The following CSMD3 variants were observed in gnomAD, a reference collection of about 807,000 sequenced individuals.
CSMD3 encodes the protein CUB and sushi domain-containing protein 3.
CSMD3 carries 177 observed loss-of-function variants against 435.2 expected under a neutral mutation model. The ratio of observed to expected loss-of-function variants is 0.41; its 90% CI spans 0.36 to 0.46. The LOEUF is 0.46. Among genes scored for constraint, CSMD3 ranks in the 20% least tolerant of loss-of-function variants. CSMD3 has a pLI of 0.34. For synonymous variants in CSMD3, 1,656 were observed against 1,520.5 expected (o/e 1.09, Z -2.07); for missense variants, 4,265 against 4,504.6 (o/e 0.95, Z 1.52).
intron 3 of CSMD3, among the ~76,000 whole-genome samples, chr8:113,222,501 A>T (rs1325312286): frequency 6.6e-6 from 1 of 151,096 alleles, no homozygotes; most frequent in Non-Finnish European, 1.5e-5. Context: ...ATAAGATTTT[A>T]AAAACGTAAC....
intron 32 of CSMD3, among the ~76,000 whole-genome samples, chr8:112,453,538 T>C (rs917895365): frequency 6.6e-6 from 1 of 152,002 alleles, no homozygotes; most frequent in African/African-American, 2.4e-5. Flanking sequence ...ATAAAATACC[T>C]AGAAATAATC....
intron 1 of CSMD3, among the ~76,000 whole-genome samples, chr8:113,375,547 G>A (rs146723823): frequency 1.6e-4 from 8 of 49,130 alleles, no homozygotes; most frequent in African/African-American, 3.8e-4. Flanking sequence ...ACACACACAC[G>A]TGTCATGCCG....
In CSMD3 at chr8:112,971,264, G is replaced by A. The variant is rs2084646823; in HGVS notation, c.1342+4573C>T. On this transcript the variant is annotated intron_variant, in intron 7 of 70. Coordinates refer to ENST00000297405, the MANE Select transcript of CSMD3 (RefSeq NM_198123.2). ...GTACAATGTCATGCACATCACAAGA[G>A]CTAAAACATATTTTGTGAATAAAAT... 3.3e-5 allele frequency among the ~76,000 whole-genome samples: 5 copies of A among 152,114 alleles called. No homozygotes were observed. The South Asian group carries it at 1.0e-3, about 31-fold the overall frequency.
intron 11 of CSMD3, among the ~76,000 whole-genome samples, chr8:112,847,944 A>G (rs1248666661): frequency 1.3e-5 from 2 of 152,184 alleles, no homozygotes; most frequent in Non-Finnish European, 1.5e-5. Flanking sequence ...AATATTTCAC[A>G]GTTTAATAAT....
At chr8:112,248,866 A>G (rs1021851884) in intron 63 of CSMD3, among the ~76,000 whole-genome samples, 1 of 152,038 alleles carries the variant, frequency 6.6e-6, no homozygotes, top group Non-Finnish European at 1.5e-5. Flanking sequence ...TGCCTCTAGA[A>G]GATCTCTTAT....
chr8:112,470,997 T>A (rs1026509271), intron 32 of CSMD3, among the ~76,000 whole-genome samples: 1 of 152,182 alleles, frequency 6.6e-6, no homozygotes, highest in Admixed American at 6.6e-5. Flanking sequence ...ATTCAACTTA[T>A]ATTAACCCTA....
intron 1 of CSMD3, among the ~76,000 whole-genome samples, chr8:113,381,667 C>T (rs1029519203): frequency 1.3e-5 from 2 of 152,094 alleles, no homozygotes; most frequent in Non-Finnish European, 2.9e-5. Context: ...ATGTCCCTTG[C>T]ATGGCCTTGG....
At chr8:112,806,582 A>G (rs1414489466) in intron 12 of CSMD3, among the ~76,000 whole-genome samples, 1 of 152,194 alleles carries the variant, frequency 6.6e-6, no homozygotes, top group Non-Finnish European at 1.5e-5. Flanking sequence ...AGGAGATGCA[A>G]TATCCTAAAT....
intron 5 of CSMD3, among the ~76,000 whole-genome samples, chr8:113,084,384 A>G (rs1299615779): frequency 6.6e-6 from 1 of 152,070 alleles, no homozygotes; most frequent in Non-Finnish European, 1.5e-5. Context: ...AATTAGGAAG[A>G]AATTTAACCA....
chr8:112,747,618 T>A (rs1193719758), intron 13 of CSMD3, among the ~76,000 whole-genome samples: 1 of 152,020 alleles, frequency 6.6e-6, no homozygotes, highest in Non-Finnish European at 1.5e-5. Flanking sequence ...ATTGTCAGAG[T>A]AATTTAGGCT....
At position 112,380,336 on chromosome 8, in the gene CSMD3, A is replaced by G; in HGVS notation, c.6136+16T>C. The G allele has an allele frequency of 7.4e-7, 1 of 1,346,904 alleles. No homozygotes were observed. Among genetic ancestry groups the G allele is most frequent in the Non-Finnish European group, 1.1e-6 (1 of 937,300 alleles). The allele number at this position is 1,346,904 out of a possible 1,614,324, so 83.4% of individuals were successfully genotyped here. On this transcript the variant is annotated intron_variant, in intron 38 of 70. Coordinates refer to ENST00000297405, the MANE Select transcript of CSMD3 (RefSeq NM_198123.2). ...TGTTCTTAACCTTTTTGAATGGCAC[A>G]TGATATTATTTTTACCTGTGTATTC...
chr8:112,246,871 A>G (rs1814783775), intron 64 of CSMD3, 149 bp downstream of exon 64: 1 of 677,352 alleles, frequency 1.5e-6, no homozygotes, highest in Non-Finnish European at 2.6e-6. Flanking sequence ...TTTATGATAC[A>G]GTAATAAAAT....
chr8:112,812,246 G>A (rs2079247704), intron 12 of CSMD3, among the ~76,000 whole-genome samples: 1 of 152,092 alleles, frequency 6.6e-6, no homozygotes, highest in African/African-American at 2.4e-5. Context: ...TATGCTAAGA[G>A]GTAAAACATT....
intron 24 of CSMD3, among the ~76,000 whole-genome samples, chr8:112,559,959 C>T (rs1475771262): frequency 6.6e-6 from 1 of 151,614 alleles, no homozygotes; most frequent in African/African-American, 2.4e-5. Flanking sequence ...AAAACTTTTA[C>T]TTGTGTCCTA....
Position 113,410,900 on chromosome 8 carries a change from T to TGAAAAAGAAAGAAA in CSMD3, c.178+25776_178+25777insTTTCTTTCTTTTTC, listed in dbSNP as rs1554633030. ...AGCCTTGTGACAGAGCAAAACCCTG[T>TGAAAAAGAAAGAAA]GAAAGAAAGAAAGAAAGAAAGAAAG... On this transcript the variant is annotated intron_variant, in intron 1 of 70. Transcript: ENST00000297405. Among the ~76,000 whole-genome samples, 5 of 105,482 alleles carry TGAAAAAGAAAGAAA rather than the reference T, an allele frequency of 4.7e-5. No homozygotes were observed. The South Asian group carries it at 1.8e-3, about 38-fold the overall frequency. 69.2% of individuals were successfully genotyped at this position (105,482 alleles called of 152,430 possible). A position where few individuals can be genotyped will look rare whatever the true frequency, so the allele number is the denominator to read the frequency against.
intron 13 of CSMD3, among the ~76,000 whole-genome samples, chr8:112,794,007 C>T (rs941809581): frequency 1.3e-5 from 2 of 152,100 alleles, no homozygotes; most frequent in Admixed American, 6.6e-5. Flanking sequence ...AAACTGAACT[C>T]ACCATGTCTT....
intron 27 of CSMD3, among the ~76,000 whole-genome samples, chr8:112,534,481 A>G (rs527632751): frequency 7.5e-4 from 115 of 152,332 alleles, no homozygotes; most frequent in Admixed American, 1.6e-3. Context: ...CTAAACCAGG[A>G]AGAAGTTGAA....
chr8:112,380,241 C>A, intron 38 of CSMD3, 111 bp downstream of exon 38: 1 of 599,778 alleles, frequency 1.7e-6, no homozygotes, highest in Non-Finnish European at 3.0e-6. Flanking sequence ...GAAAATAAGA[C>A]AATGTTTTCT....
chr8:112,614,758 A>T (rs1357372811), intron 22 of CSMD3, among the ~76,000 whole-genome samples: 3 of 152,036 alleles, frequency 2.0e-5, no homozygotes, highest in Admixed American at 6.6e-5. Flanking sequence ...TTTAAATCCC[A>T]TGTTCTATTC....
Sources: allele counts gnomAD v4.1 joint callset (sites outside exome capture counted in the v4.1 genomes callset), GRCh38; gene constraint gnomAD v4.1.1; transcripts MANE v1.5; gene names NCBI Gene and HGNC (gene_info 2026-07-23, HGNC 2026-07-21).